RAE1: variants seen among roughly 807,000 people sequenced by gnomAD.
RAE1 encodes mRNA export factor RAE1.
A neutral mutation model predicts 52.7 loss-of-function variants in RAE1; 13 were observed. The ratio of observed to expected loss-of-function variants is 0.25; its 90% CI spans 0.16 to 0.39. The LOEUF (loss-of-function observed/expected upper bound fraction) is 0.39, where lower values mean the gene tolerates loss of function less well. RAE1 is among the 10% of genes least tolerant of loss of function. The pLI is 1.00. For synonymous variants in RAE1, 164 were observed against 153.1 expected, an observed-to-expected ratio of 1.07 and a Z score of -0.52; for missense variants, 262 against 459.8, an observed-to-expected ratio of 0.57 and a Z score of 3.93.
intron 4 of RAE1, chr20:57,358,895 TGTAG>T: frequency 8.0e-7 from 1 of 1,257,212 alleles, no homozygotes. Context: ...GGCTAGGGCC[TGTAG>T]GCTTGTTGGA....
At chr20:57,358,899 G>A (rs6070078) in intron 4 of RAE1, 1 of 1,278,310 alleles carries the variant, frequency 7.8e-7, no homozygotes, top group South Asian at 2.0e-5. Context: ...AGGGCCTGTA[G>A]GCTTGTTGGA....
intron 1 of RAE1, 105 bp from the exon 2 acceptor site, chr20:57,353,927 T>A: frequency 1.0e-6 from 1 of 1,004,066 alleles, no homozygotes. Flanking sequence ...AAGCCTGGCC[T>A]CAAGCCACTT....
intron 4 of RAE1, chr20:57,358,481 A>C (rs1438697861): frequency 6.6e-6 from 1 of 152,434 alleles, no homozygotes; most frequent in Non-Finnish European, 1.5e-5. Context: ...GTGATGATTT[A>C]AGAGACTGGG....
At chr20:57,358,595 A>G (rs145061190) in intron 4 of RAE1, 46 of 160,560 alleles carry the variant, frequency 2.9e-4, no homozygotes, top group Non-Finnish European at 4.7e-4. Context: ...GACCTGGATT[A>G]CTCTGGTCTG....
rs2067067203 is a variant in RAE1 at position 57,373,542 on chromosome 20, A to AGG, written c.713_714dup (p.Arg239GlyfsTer39). On this transcript the variant is annotated frameshift_variant, in exon 9 of 12. Coordinates refer to ENST00000395841, the MANE Select transcript of RAE1 (RefSeq NM_003610.4). LOFTEE classifies it high-confidence loss of function. ...ACTGGTTTTGCCCTGGGAAGTATCG[A>AGG]GGGGAGAGTTGCTATTCACTATATC... The AGG allele has an allele frequency of 6.2e-7, 1 of 1,614,080 alleles. No homozygotes were observed. Among genetic ancestry groups the AGG allele is most frequent in the Admixed American group, 1.7e-5 (1 of 60,006 alleles).
At chr20:57,377,529 G>A (rs1022898637) in intron 11 of RAE1, among the ~76,000 whole-genome samples, 4 of 152,122 alleles carry the variant, frequency 2.6e-5, no homozygotes, top group East Asian at 1.9e-4. Context: ...GCACACCTCC[G>A]CACACGCCTC....
chr20:57,363,482 C>T (rs1256441820), intron 4 of RAE1, among the ~76,000 whole-genome samples: 1 of 152,090 alleles, frequency 6.6e-6, no homozygotes, highest in Non-Finnish European at 1.5e-5. Flanking sequence ...CACTGCATTC[C>T]AGCCTGGCAA....
Position 57,351,333 on chromosome 20 carries a change from G to C in RAE1, c.-97G>C. On this transcript the variant is annotated 5_prime_UTR_variant, in exon 1 of 12. Coordinates refer to ENST00000395841, the MANE Select transcript of RAE1 (RefSeq NM_003610.4). ...TCCTGGGATTTCTGTCCGCGCTCCTGGCCCTCGTCCTTCGCGCCAGAGCAG... is the reference window on the plus strand; with the variant it reads ...TCCTGGGATTTCTGTCCGCGCTCCTCGCCCTCGTCCTTCGCGCCAGAGCAG... 1.0e-6 allele frequency: 1 copy of C among 985,472 alleles called. No individual in the cohort carries two copies. Among genetic ancestry groups the C allele is most frequent in the Non-Finnish European group, 1.2e-6 (1 of 829,972 alleles). The allele number at this position is 985,472 out of a possible 1,614,324, so 61.0% of individuals were successfully genotyped here. A position where few individuals can be genotyped will look rare whatever the true frequency, so the allele number is the denominator to read the frequency against.
chr20:57,376,398 A>G (rs1447831538), intron 11 of RAE1, among the ~76,000 whole-genome samples: 1 of 152,198 alleles, frequency 6.6e-6, no homozygotes, highest in Non-Finnish European at 1.5e-5. Context: ...ATCTTCCCTT[A>G]CGCACACACA....
intron 11 of RAE1, among the ~76,000 whole-genome samples, chr20:57,376,740 C>T (rs560960502): frequency 2.6e-5 from 4 of 152,314 alleles, no homozygotes; most frequent in Admixed American, 6.5e-5. Flanking sequence ...GCTCCCACAT[C>T]GGGCTCTTCA....
Position 57,356,514 on chromosome 20 carries a change from T to C in RAE1, c.264T>C (p.Pro88=), listed in dbSNP as rs1373292241. The change falls in exon 4 of 12, where the codon CCT becomes CCC. Residue 88 remains proline (P), a synonymous_variant. Coordinates refer to ENST00000395841, the MANE Select transcript of RAE1 (RefSeq NM_003610.4). ...AAGCCCAGCAGATGCACACTGGGCC[T>C]GTGCTTGATGTCTGCTGGAGTGACG... ...IPKAQQMHTG[P]VLDVCWSDDG... is the part of the protein sequence containing the mutation. 6.2e-7 allele frequency: 1 copy of C among 1,612,646 alleles called. No individual in the cohort carries two copies. The highest frequency in any genetic ancestry group is 8.5e-7 in the Non-Finnish European group (1 of 1,178,966).
chr20:57,359,348 G>A (rs1054067307), intron 4 of RAE1: 1 of 215,928 alleles, frequency 4.6e-6, no homozygotes, highest in Admixed American at 5.8e-5. Context: ...ATGCAATGGA[G>A]AATGTCTTCA....
At chr20:57,351,589 C>G (rs553451129) in intron 1 of RAE1, 167 bp downstream of exon 1, 1 of 985,436 alleles carries the variant, frequency 1.0e-6, no homozygotes, top group African/African-American at 1.7e-5. Context: ...TGGAAATGGC[C>G]TTAGGGGTCA....
chr20:57,374,624 C>T lies in RAE1; in HGVS notation c.843C>T (p.Phe281=). 1 of 1,613,500 alleles carries T rather than the reference C, an allele frequency of 6.2e-7. No individual in the cohort carries two copies. The highest frequency in any genetic ancestry group is 8.5e-7 in the Non-Finnish European group (1 of 1,179,668). ...CCTTGCAGGTAAATGGAATCGCGTT[C>T]CATCCTGTTCATGGCACCCTTGCAA... is the stretch of plus-strand genomic sequence containing the variant. The part of the protein sequence containing the change: ...QDIYAVNGIA[F]HPVHGTLATV... The change falls in exon 11 of 12, where the codon TTC becomes TTT. Residue 281 remains phenylalanine (F), a synonymous_variant. Transcript: ENST00000395841.
At chr20:57,363,272 G>T (rs928921334) in intron 4 of RAE1, among the ~76,000 whole-genome samples, 2 of 152,142 alleles carry the variant, frequency 1.3e-5, no homozygotes, top group Non-Finnish European at 2.9e-5. Flanking sequence ...TGGCACTTTG[G>T]GAGGCTTGGG....
At chr20:57,357,760 A>G (rs1314969023) in intron 4 of RAE1, 1 of 152,244 alleles carries the variant, frequency 6.6e-6, no homozygotes, top group Non-Finnish European at 1.5e-5. Context: ...GCCTGAGACT[A>G]ACTCTGACTC....
intron 4 of RAE1, chr20:57,357,988 T>A (rs777158781): frequency 6.6e-6 from 1 of 152,164 alleles, no homozygotes; most frequent in Non-Finnish European, 1.5e-5. Flanking sequence ...GTGCGCTGAT[T>A]AGTGCATATT....
At chr20:57,362,932 C>G (rs934143489) in intron 4 of RAE1, among the ~76,000 whole-genome samples, 2 of 152,088 alleles carry the variant, frequency 1.3e-5, no homozygotes, top group Admixed American at 1.3e-4. Flanking sequence ...AGGCGCCCAC[C>G]ACCACACCCA....
chr20:57,376,368 T>C (rs911084726), intron 11 of RAE1, among the ~76,000 whole-genome samples: 6 of 152,204 alleles, frequency 3.9e-5, no homozygotes, highest in Non-Finnish European at 7.3e-5. Context: ...CCCCGAAAGG[T>C]TTTTGTGTAT....
Sources: gnomAD v4.1 joint callset for allele counts (sites outside exome capture counted in the v4.1 genomes callset) on GRCh38, gnomAD v4.1.1 for gene constraint, MANE v1.5 for transcripts, NCBI Gene and HGNC (gene_info 2026-07-23, HGNC 2026-07-21) for gene names.